The following C12orf42 variants were observed in gnomAD, a reference collection of about 807,000 sequenced individuals.
C12orf42 encodes the protein uncharacterized protein C12orf42.
A neutral mutation model predicts 21.6 loss-of-function variants in C12orf42; 25 were observed. The observed-to-expected ratio is 1.16, with a 90% CI of 0.84 to 1.62. C12orf42 has a LOEUF of 1.62. C12orf42 is among the 40% of genes most tolerant of loss of function. The pLI is 0.00. For missense variants in C12orf42, 483 were observed against 459.3 expected (o/e 1.05, Z -0.47); for synonymous variants, 174 against 175.0 (o/e 0.99, Z 0.05).
chr12:103,253,104 T>C (rs1811235294), intron 10 of C12orf42, among the ~76,000 whole-genome samples: 2 of 152,200 alleles, frequency 1.3e-5, no homozygotes, highest in South Asian at 4.1e-4. Context: ...TTGTCAAAGA[T>C]CAGATGGTTG....
At chr12:103,158,143 G>A in the C12orf42 span, among the ~76,000 whole-genome samples, 1 of 152,190 alleles carries the variant, frequency 6.6e-6, no homozygotes, top group Non-Finnish European at 1.5e-5. Flanking sequence ...TACATCACAA[G>A]CATTGCGTGG....
the C12orf42 span, among the ~76,000 whole-genome samples, chr12:103,164,979 A>G: frequency 2.6e-5 from 4 of 152,230 alleles, no homozygotes; most frequent in Admixed American, 1.3e-4. Flanking sequence ...TTACTATCAC[A>G]TATGTGAACC....
At chr12:103,193,241 T>G in the C12orf42 span, among the ~76,000 whole-genome samples, 1 of 150,468 alleles carries the variant, frequency 6.6e-6, no homozygotes, top group Non-Finnish European at 1.5e-5. Flanking sequence ...AAAAGCAATA[T>G]TAAGAGAAAA....
the C12orf42 span, among the ~76,000 whole-genome samples, chr12:103,103,156 C>A: frequency 6.6e-6 from 1 of 152,108 alleles, no homozygotes; most frequent in African/African-American, 2.4e-5. Context: ...ATCAAGGGAG[C>A]CATCATATCC....
chr12:103,532,725 T>A, the C12orf42 span, among the ~76,000 whole-genome samples: 6 of 152,334 alleles, frequency 3.9e-5, no homozygotes, highest in East Asian at 1.2e-3. Flanking sequence ...CTGTCCTGTG[T>A]CATTTGCATG....
the C12orf42 span, among the ~76,000 whole-genome samples, chr12:103,524,155 A>G: frequency 1.3e-5 from 2 of 152,088 alleles, no homozygotes; most frequent in African/African-American, 2.4e-5. Flanking sequence ...CATTCTGCCT[A>G]TCCTTTTGCA....
the C12orf42 span, among the ~76,000 whole-genome samples, chr12:103,145,068 T>C: frequency 6.6e-6 from 1 of 152,158 alleles, no homozygotes; most frequent in Non-Finnish European, 1.5e-5. Context: ...CTACACACAA[T>C]GAGGGATTAT....
chr12:103,144,981 CAA>C, the C12orf42 span, among the ~76,000 whole-genome samples: 1 of 152,060 alleles, frequency 6.6e-6, no homozygotes, highest in Non-Finnish European at 1.5e-5. Context: ...ATCTGATTGG[CAA>C]AGTCCTAGTC....
chr12:103,528,981 AC>A, the C12orf42 span, among the ~76,000 whole-genome samples: 1 of 152,300 alleles, frequency 6.6e-6, no homozygotes, highest in East Asian at 1.9e-4. Flanking sequence ...AGAGATTCAA[AC>A]TTTTTGGTCC....
chr12:103,341,044 C>T (rs571868938), intron 4 of C12orf42, among the ~76,000 whole-genome samples: 55 of 133,986 alleles, frequency 4.1e-4, no homozygotes, highest in African/African-American at 1.0e-3. Flanking sequence ...ACCAGGGAGG[C>T]GGAGCTTGCA....
chr12:103,526,647 A>G, the C12orf42 span, among the ~76,000 whole-genome samples: 2 of 152,326 alleles, frequency 1.3e-5, no homozygotes, highest in South Asian at 2.1e-4. Context: ...ACTATGTTTG[A>G]AGCAAGGAAA....
the C12orf42 span, among the ~76,000 whole-genome samples, chr12:103,560,222 T>G: frequency 6.6e-6 from 1 of 152,186 alleles, no homozygotes; most frequent in Non-Finnish European, 1.5e-5. Context: ...AACAAATTAG[T>G]GGCAGAGCAA....
intron 4 of C12orf42, among the ~76,000 whole-genome samples, chr12:103,365,155 T>C (rs10047640): frequency 0.36 from 53,946 of 151,888 alleles, 11,058 homozygotes; most frequent in African/African-American, 0.57. Flanking sequence ...ACCAGGGATG[T>C]AGGAATGGTT....
the C12orf42 span, among the ~76,000 whole-genome samples, chr12:103,509,810 C>G: frequency 6.6e-6 from 1 of 152,132 alleles, no homozygotes; most frequent in African/African-American, 2.4e-5. Context: ...TGTGATGCAA[C>G]TTTACTCCTG....
rs1313534756 is a variant in C12orf42, at chr12:103,495,422, TCCCTCCCCCAC to T, written c.-22+469_-22+479del. Among the ~76,000 whole-genome samples the T allele has an allele frequency of 9.0e-5, 13 of 144,140 alleles. 1 individual carries two copies. The highest frequency in any genetic ancestry group is 2.7e-4 in the Admixed American group (4 of 14,616). 94.6% of individuals were successfully genotyped at this position (144,140 alleles called of 152,430 possible). A position where few individuals can be genotyped will look rare whatever the true frequency, so the allele number is the denominator to read the frequency against. On this transcript the variant is annotated intron_variant, in intron 1 of 5. Transcript: ENST00000548883. ...CCGCTCCGCCCGGCCCCTCCCCCGC[TCCCTCCCCCAC>T]CCCTCCCCCTTCCTGTATTAGCATG...
At chr12:103,397,407 C>T (rs2047626594) in intron 3 of C12orf42, among the ~76,000 whole-genome samples, 1 of 152,186 alleles carries the variant, frequency 6.6e-6, no homozygotes, top group African/African-American at 2.4e-5. Flanking sequence ...GCATTATCAC[C>T]TGATCTCTGC....
chr12:103,320,590 T>A (rs2039989953), intron 4 of C12orf42, among the ~76,000 whole-genome samples: 1 of 152,230 alleles, frequency 6.6e-6, no homozygotes, highest in South Asian at 2.1e-4. Context: ...ATGATTTCAA[T>A]ACTAAACCTA....
At chr12:103,521,902 C>T in the C12orf42 span, among the ~76,000 whole-genome samples, 1 of 152,150 alleles carries the variant, frequency 6.6e-6, no homozygotes, top group Non-Finnish European at 1.5e-5. Context: ...TTTAAATGTG[C>T]TTAAGTCGAT....
At chr12:103,231,676 T>C in the C12orf42 span, among the ~76,000 whole-genome samples, 1 of 152,194 alleles carries the variant, frequency 6.6e-6, no homozygotes, top group Non-Finnish European at 1.5e-5. Flanking sequence ...ATACATCCAT[T>C]GTCTGGATGT....
Sources: gnomAD v4.1 joint callset for allele counts (sites outside exome capture counted in the v4.1 genomes callset) on GRCh38, gnomAD v4.1.1 for gene constraint, MANE v1.5 for transcripts, NCBI Gene and HGNC (gene_info 2026-07-23, HGNC 2026-07-21) for gene names.